UNC13C: variants seen among roughly 807,000 people sequenced by gnomAD.
UNC13C encodes the protein unc-13 homolog C, also known as protein unc-13 homolog C.
In UNC13C, 174 loss-of-function variants were observed where a neutral mutation model predicts 245.4. That is an observed-to-expected ratio of 0.71 (90% CI 0.63 to 0.80). UNC13C has a LOEUF of 0.80. Ranked by LOEUF, UNC13C falls within the 30% of genes least tolerant of loss-of-function variation. The probability of loss-of-function intolerance (pLI) is 0.00; values close to 1 mark genes in which losing one functional copy is unlikely to be tolerated. For synonymous variants in UNC13C, 992 were observed against 895.1 expected (o/e 1.11, Z -1.93); for missense variants, 2,829 against 2,602.9 (o/e 1.09, Z -1.89).
At position 54,338,451 on chromosome 15, in the gene UNC13C, G is replaced by A; in HGVS notation, c.4675G>A (p.Asp1559Asn). 1 of 1,613,710 alleles carries A rather than the reference G, an allele frequency of 6.2e-7. No individual in the cohort carries two copies. Among genetic ancestry groups the A allele is most frequent in the Non-Finnish European group, 8.5e-7 (1 of 1,179,690 alleles). Reference sequence around the variant, plus strand: ...GGATTCTACATACAAGTATATTTTTGACAACTGCCATGAACTCTACTCCCA... The same window carrying A: ...GGATTCTACATACAAGTATATTTTTAACAACTGCCATGAACTCTACTCCCA... ...CLDSTYKYIF[D>N]NCHELYSQLT... The change falls in exon 17 of 33, where the codon GAC becomes AAC. Residue 1559 changes from aspartate to asparagine, a missense_variant. By Grantham distance (23) the Asp-to-Asn change is conservative. Transcript: ENST00000260323.
chr15:54,406,890 T>C (rs960080439), intron 18 of UNC13C, among the ~76,000 whole-genome samples: 2 of 152,032 alleles, frequency 1.3e-5, no homozygotes, highest in East Asian at 1.9e-4. Context: ...TATTATCTCA[T>C]AGAAATTAAG....
At chr15:54,599,518 A>G (rs10152907) in intron 30 of UNC13C, among the ~76,000 whole-genome samples, 72,991 of 151,798 alleles carry the variant, frequency 0.48, 18,347 homozygotes, top group East Asian at 0.68. Context: ...CTTTCACTCC[A>G]GTAAGACTAT....
intron 17 of UNC13C, among the ~76,000 whole-genome samples, chr15:54,357,745 C>A (rs1223069691): frequency 2.6e-5 from 4 of 151,960 alleles, no homozygotes; most frequent in Non-Finnish European, 5.9e-5. Context: ...ATTCCTTCAA[C>A]CTTTCAGTAA....
At chr15:54,104,507 CT>C (rs1900333943) in intron 2 of UNC13C, among the ~76,000 whole-genome samples, 1 of 151,870 alleles carries the variant, frequency 6.6e-6, no homozygotes, top group Non-Finnish European at 1.5e-5. Flanking sequence ...TTTTCCTTCC[CT>C]TTTTTTGTAT....
chr15:54,298,723 T>C (rs2140943548), intron 12 of UNC13C, among the ~76,000 whole-genome samples: 1 of 152,254 alleles, frequency 6.6e-6, no homozygotes, highest in East Asian at 1.9e-4. Flanking sequence ...CGCTGAGAGC[T>C]TAGTTAGAGG....
At chr15:54,350,279 C>T (rs4776227) in intron 17 of UNC13C, among the ~76,000 whole-genome samples, 80,913 of 152,012 alleles carry the variant, frequency 0.53, 21,816 homozygotes, top group East Asian at 0.76. Flanking sequence ...CGTGAGACCC[C>T]ACGCCTGGCC....
chr15:54,247,850 A>G (rs533491337), intron 7 of UNC13C, among the ~76,000 whole-genome samples: 3 of 152,132 alleles, frequency 2.0e-5, no homozygotes, highest in Admixed American at 2.0e-4. Context: ...CAAACAAAAC[A>G]TTTTAATGAA....
intron 10 of UNC13C, among the ~76,000 whole-genome samples, chr15:54,280,765 C>T (rs1450499486): frequency 2.6e-5 from 3 of 113,322 alleles, no homozygotes; most frequent in Non-Finnish European, 5.4e-5. Flanking sequence ...CACATACATA[C>T]ATACATATAT....
At chr15:53,860,077 C>A in the UNC13C span, among the ~76,000 whole-genome samples, 4 of 152,198 alleles carry the variant, frequency 2.6e-5, no homozygotes, top group Admixed American at 6.6e-5. Context: ...CACAGACCAT[C>A]TTCTCTTTCT....
At chr15:54,151,715 G>A (rs888527033) in intron 4 of UNC13C, among the ~76,000 whole-genome samples, 5 of 152,050 alleles carry the variant, frequency 3.3e-5, no homozygotes, top group Non-Finnish European at 2.9e-5. Context: ...TTACATTCCA[G>A]ATCAAGATCC....
chr15:53,978,503 T>C lies in UNC13C; in HGVS notation c.-681T>C, dbSNP rs553996022. ...CCCAGCACGCACTCAGCCCGGCTGCTCCTCACCCTCAAATGTTGATGAGCC... is the reference window on the plus strand; with the variant it reads ...CCCAGCACGCACTCAGCCCGGCTGCCCCTCACCCTCAAATGTTGATGAGCC... On this transcript the variant is annotated 5_prime_UTR_variant, in exon 1 of 33. Transcript: ENST00000260323. Among the ~76,000 whole-genome samples the C allele has an allele frequency of 6.6e-6, 1 of 152,046 alleles. No homozygotes were observed. Among genetic ancestry groups the C allele is most frequent in the East Asian group, 1.9e-4 (1 of 5,138 alleles).
At chr15:54,616,542 T>C (rs1900444650) in intron 30 of UNC13C, among the ~76,000 whole-genome samples, 1 of 151,978 alleles carries the variant, frequency 6.6e-6, no homozygotes, top group Non-Finnish European at 1.5e-5. Context: ...CCTGGGCTAA[T>C]AGTTTATTAA....
chr15:54,586,417 T>C (rs964976370), intron 30 of UNC13C, among the ~76,000 whole-genome samples: 1 of 152,210 alleles, frequency 6.6e-6, no homozygotes, highest in African/African-American at 2.4e-5. Flanking sequence ...TTGCAGACAG[T>C]TACCTTTTCA....
chr15:54,338,527 T>C, intron 17 of UNC13C, 38 bp downstream of exon 17: 3 of 1,604,210 alleles, frequency 1.9e-6, no homozygotes, highest in African/African-American at 1.3e-5. Context: ...TCGCCACTTT[T>C]GTTTCTAGTA....
At chr15:53,863,294 G>A in the UNC13C span, among the ~76,000 whole-genome samples, 1 of 152,184 alleles carries the variant, frequency 6.6e-6, no homozygotes, top group South Asian at 2.1e-4. Context: ...GGGCGGCAGA[G>A]TCATCCCCAA....
In UNC13C at chr15:54,310,542, C is replaced by T. The variant is rs1418488846; in HGVS notation, c.4268+10169C>T. ...AACATGTTATTTATATTCAGAAAGG[C>T]ATAGCATGTTAGAGCATGTAAGGGT... On this transcript the variant is annotated intron_variant, in intron 13 of 32. Coordinates refer to ENST00000260323, the MANE Select transcript of UNC13C (RefSeq NM_001080534.3). 2.0e-5 allele frequency among the ~76,000 whole-genome samples: 3 copies of T among 151,748 alleles called. No individual in the cohort carries two copies. In the East Asian group the frequency reaches 5.8e-4, roughly 30 times the overall value.
chr15:53,973,639 T>C (rs1354784199), upstream of UNC13C, among the ~76,000 whole-genome samples: 1 of 151,568 alleles, frequency 6.6e-6, no homozygotes, highest in East Asian at 1.9e-4. Context: ...GTCATCCAAA[T>C]GCTGTGTCTT....
At chr15:54,621,263 T>A (rs1020494567) in intron 30 of UNC13C, among the ~76,000 whole-genome samples, 13 of 152,168 alleles carry the variant, frequency 8.5e-5, no homozygotes, top group African/African-American at 3.1e-4. Context: ...CAAATGAGAT[T>A]GCAAAAGTTA....
chr15:54,366,320 C>T (rs1475853575), intron 17 of UNC13C, among the ~76,000 whole-genome samples: 2 of 152,072 alleles, frequency 1.3e-5, no homozygotes, highest in African/African-American at 2.4e-5. Flanking sequence ...TTATGTTCAG[C>T]CCTCTTCAGA....
Sources: gnomAD v4.1 joint callset for allele counts (sites outside exome capture counted in the v4.1 genomes callset) on GRCh38, gnomAD v4.1.1 for gene constraint, MANE v1.5 for transcripts, NCBI Gene and HGNC (gene_info 2026-07-23, HGNC 2026-07-21) for gene names.